The following ZEB1 variants were observed in gnomAD, a reference collection of about 807,000 sequenced individuals.
ZEB1 encodes zinc finger E-box binding homeobox 1, also known as zinc finger E-box-binding homeobox 1.
In ZEB1, 21 loss-of-function variants were observed where a neutral mutation model predicts 84.9. That is an observed-to-expected ratio of 0.25 (90% CI 0.18 to 0.36). ZEB1 has a LOEUF of 0.36. Ranked by LOEUF, ZEB1 falls within the 10% of genes least tolerant of loss-of-function variation. The probability of loss-of-function intolerance (pLI) is 1.00; values close to 1 mark genes in which losing one functional copy is unlikely to be tolerated. For missense variants in ZEB1, 1,104 were observed against 1,330.2 expected (o/e 0.83, Z 2.65); for synonymous variants, 420 against 471.1 (o/e 0.89, Z 1.41).
intron 1 of ZEB1, among the ~76,000 whole-genome samples, chr10:31,415,611 CTT>C (rs2055085558): frequency 6.6e-6 from 1 of 151,932 alleles, no homozygotes; most frequent in Admixed American, 6.6e-5. Context: ...CATACATAGA[CTT>C]TTATCATTTG....
chr10:31,402,892 A>T (rs2052330332), intron 1 of ZEB1, among the ~76,000 whole-genome samples: 2 of 152,158 alleles, frequency 1.3e-5, no homozygotes, highest in Admixed American at 1.3e-4. Context: ...AATTGGATGT[A>T]TAAAGCCAAA....
chr10:31,468,044 C>T (rs1289668235), intron 2 of ZEB1, among the ~76,000 whole-genome samples: 1 of 152,054 alleles, frequency 6.6e-6, no homozygotes, highest in Non-Finnish European at 1.5e-5. Context: ...GGCTAGCCCT[C>T]TTACCCTGAA....
intron 1 of ZEB1, among the ~76,000 whole-genome samples, chr10:31,400,521 AAT>A (rs1326282599): frequency 6.6e-6 from 1 of 152,138 alleles, no homozygotes; most frequent in African/African-American, 2.4e-5. Flanking sequence ...ACTAAAAAAA[AAT>A]ATTATTTGAA....
intron 1 of ZEB1, chr10:31,387,076 A>C (rs1288692514): frequency 1.0e-6 from 1 of 985,026 alleles, no homozygotes; most frequent in African/African-American, 1.7e-5. Context: ...AGCTTGATCA[A>C]AATAGTTTGA....
intron 1 of ZEB1, among the ~76,000 whole-genome samples, chr10:31,391,334 C>T (rs1418587257): frequency 1.3e-5 from 2 of 151,166 alleles, no homozygotes; most frequent in African/African-American, 2.4e-5. Context: ...ATTGCCCCTC[C>T]CCCAAAACAG....
At chr10:31,424,093 G>A (rs1359695400) in intron 1 of ZEB1, among the ~76,000 whole-genome samples, 1 of 151,768 alleles carries the variant, frequency 6.6e-6, no homozygotes, top group Admixed American at 6.6e-5. Flanking sequence ...TAATTTAATT[G>A]TTTTGGAAAA....
intron 1 of ZEB1, among the ~76,000 whole-genome samples, chr10:31,433,845 C>A (rs1340880267): frequency 6.6e-6 from 1 of 152,096 alleles, no homozygotes; most frequent in African/African-American, 2.4e-5. Flanking sequence ...CTACCATTGT[C>A]TTTGTATCAT....
chr10:31,360,662 A>G (rs2042871117), intron 1 of ZEB1, among the ~76,000 whole-genome samples: 1 of 152,262 alleles, frequency 6.6e-6, no homozygotes, highest in Non-Finnish European at 1.5e-5. Flanking sequence ...ATTTAGATGC[A>G]AGAAATATAT....
intron 1 of ZEB1, among the ~76,000 whole-genome samples, chr10:31,410,918 A>G (rs958981826): frequency 1.3e-5 from 2 of 152,026 alleles, no homozygotes; most frequent in African/African-American, 4.8e-5. Context: ...CAGTCTATCT[A>G]TTTTGTTAAT....
chr10:31,439,963 T>A (rs927612698), intron 1 of ZEB1, among the ~76,000 whole-genome samples: 1 of 152,130 alleles, frequency 6.6e-6, no homozygotes, highest in Non-Finnish European at 1.5e-5. Flanking sequence ...GAGAACTGAC[T>A]ACAGGAAGAC....
Position 31,526,947 on chromosome 10 carries a change from G to A in ZEB1, c.3061G>A (p.Gly1021Ser). The stretch of plus-strand genomic sequence containing the variant: ...GGGTGCCAGGGCGTCTCCCTCACAG[G>A]GCGACTCGGACGAGAGAGAGAGTTT... ...HVGARASPSQ[G>S]DSDERESLTR... is the part of the protein sequence containing the mutation. Residue 1021 changes from glycine to serine, a missense_variant, in exon 9 of 9, where the codon GGC (glycine) becomes AGC (serine). Gly to Ser is a moderately conservative substitution (Grantham distance 56). Transcript: ENST00000424869. The A allele has an allele frequency of 6.2e-7, 1 of 1,614,024 alleles. No individual in the cohort carries two copies. The highest frequency in any genetic ancestry group is 8.5e-7 in the Non-Finnish European group (1 of 1,179,986).
intron 6 of ZEB1, among the ~76,000 whole-genome samples, chr10:31,517,453 C>T (rs1048680006): frequency 1.3e-5 from 2 of 151,234 alleles, no homozygotes; most frequent in African/African-American, 2.4e-5. Context: ...TAATTTTTGC[C>T]TGGAAAATTT....
intron 1 of ZEB1, among the ~76,000 whole-genome samples, chr10:31,397,242 T>G (rs1366269478): frequency 1.3e-5 from 2 of 149,332 alleles, no homozygotes; most frequent in African/African-American, 4.9e-5. Context: ...CATCTTGGGG[T>G]TTTTTTAATG....
chr10:31,435,844 T>A (rs1215035760), intron 1 of ZEB1, among the ~76,000 whole-genome samples: 3 of 152,140 alleles, frequency 2.0e-5, no homozygotes, highest in Non-Finnish European at 2.9e-5. Flanking sequence ...CCGGCTGCTG[T>A]GTGGTAAATG....
At position 31,495,229 on chromosome 10, in the gene ZEB1, G is replaced by C. The variant is rs563082321; in HGVS notation, c.260-547G>C. On this transcript the variant is annotated intron_variant, in intron 2 of 8. Transcript: ENST00000424869. ...TATGTTGTTACAAAGCTTAAAAGAA[G>C]TAAGTTACTAGCACAGTGCCTGGAA... 7.9e-5 allele frequency among the ~76,000 whole-genome samples: 12 copies of C among 152,100 alleles called. No individual in the cohort carries two copies. In the South Asian group the frequency reaches 2.5e-3, roughly 32 times the overall value.
chr10:31,385,715 A>T (rs1318177916), intron 1 of ZEB1, among the ~76,000 whole-genome samples: 2 of 151,960 alleles, frequency 1.3e-5, no homozygotes, highest in Non-Finnish European at 2.9e-5. Flanking sequence ...TTTAGTAGAG[A>T]TGGGGTTTCA....
intron 8 of ZEB1, among the ~76,000 whole-genome samples, chr10:31,525,030 G>A (rs220072): frequency 0.048 from 7,358 of 152,224 alleles, 190 homozygotes; most frequent in South Asian, 0.065. Context: ...AGGTAAGAAT[G>A]GTAGTTTTTG....
chr10:31,375,090 C>CACACACACACACAG (rs1204880411), intron 1 of ZEB1: 39 of 140,014 alleles, frequency 2.8e-4, no homozygotes, highest in South Asian at 8.8e-4. Flanking sequence ...CACACACACA[C>CACACACACACACAG]AGAGAAGCAT....
Position 31,448,882 on chromosome 10 carries a change from T to C in ZEB1, c.59-12155T>C, listed in dbSNP as rs369042187. The stretch of plus-strand genomic sequence containing the variant: ...TGTCTTTTTGTTTGTCTGTGCCCTG[T>C]CCCCAGAGGTGGAGCCTACAGAGGC... On this transcript the variant is annotated intron_variant, in intron 1 of 8. Transcript: ENST00000424869. 2.4e-3 allele frequency among the ~76,000 whole-genome samples: 370 copies of C among 152,210 alleles called. 1 individual carries two copies. The highest frequency in any genetic ancestry group is 3.4e-3 in the Non-Finnish European group (228 of 67,998).
Sources: allele counts gnomAD v4.1 joint callset (sites outside exome capture counted in the v4.1 genomes callset), GRCh38; gene constraint gnomAD v4.1.1; transcripts MANE v1.5; gene names NCBI Gene and HGNC (gene_info 2026-07-23, HGNC 2026-07-21).